SMIM8: variants seen among roughly 807,000 people sequenced by gnomAD.
SMIM8 encodes the protein small integral membrane protein 8, also known as UPF0708 protein C6orf162.
In SMIM8, 8 loss-of-function variants were observed where a neutral mutation model predicts 8.1. The observed-to-expected ratio is 0.99, with a 90% CI of 0.58 to 1.78. SMIM8 has a LOEUF of 1.78. Among genes scored for constraint, SMIM8 ranks in the 40% most tolerant of loss-of-function variants. The pLI is 0.00. For synonymous variants in SMIM8, 45 were observed against 39.7 expected, an observed-to-expected ratio of 1.13 and a Z score of -0.50; for missense variants, 126 against 119.8, an observed-to-expected ratio of 1.05 and a Z score of -0.24.
chr6:87,333,611 A>G (rs1437158869), intron 2 of SMIM8, among the ~76,000 whole-genome samples: 3 of 152,258 alleles, frequency 2.0e-5, no homozygotes, highest in Non-Finnish European at 4.4e-5. Flanking sequence ...TGCTGCCACA[A>G]CAAAGGAGAA....
Position 87,340,163 on chromosome 6 carries a change from G to A in SMIM8, c.183G>A (p.Val61=), listed in dbSNP as rs781579674. The A allele has an allele frequency of 1.4e-5, 22 of 1,604,370 alleles. No individual in the cohort carries two copies. Among genetic ancestry groups the A allele is most frequent in the African/African-American group, 5.4e-5 (4 of 74,200 alleles). Residue 61 remains valine, a synonymous_variant, in exon 4 of 4, where the codon GTG becomes GTA. Coordinates refer to ENST00000392863, the MANE Select transcript of SMIM8 (RefSeq NM_001042493.3). ...AFGLVTLSLC[V]AYIGYLHAIQ... ...GATTGGTAACTCTTTCACTTTGCGTGGCATATATTGGTTATCTACATGCAA... is the reference window on the plus strand; with the variant it reads ...GATTGGTAACTCTTTCACTTTGCGTAGCATATATTGGTTATCTACATGCAA...
At chr6:87,328,832 C>T (rs986620347) in intron 1 of SMIM8, among the ~76,000 whole-genome samples, 9 of 152,314 alleles carry the variant, frequency 5.9e-5, no homozygotes, top group Non-Finnish European at 1.0e-4. Context: ...TGGGCAATGG[C>T]GGGCGCCCCT....
At chr6:87,323,694 T>C (rs1025316389) in intron 1 of SMIM8, among the ~76,000 whole-genome samples, 1 of 152,204 alleles carries the variant, frequency 6.6e-6, no homozygotes, top group Non-Finnish European at 1.5e-5. Context: ...TTTGGGTTGG[T>C]TCCAGGTCTT....
At position 87,324,023 on chromosome 6, in the gene SMIM8, A is replaced by G. The variant is rs531554652; in HGVS notation, c.-45+1391A>G. Among the ~76,000 whole-genome samples the G allele has an allele frequency of 9.4e-3, 1,402 of 149,738 alleles. 23 individuals carry two copies. Among genetic ancestry groups the G allele is most frequent in the African/African-American group, 0.033 (1,302 of 39,758 alleles). On this transcript the variant is annotated intron_variant, in intron 1 of 3. Transcript: ENST00000392863. ...TTTGATTTGCATTTCTCTGATGGCC[A>G]GTGATGGTGAGCATTTTTTCATGTG... is the stretch of plus-strand genomic sequence containing the variant.
chr6:87,332,969 C>A (rs1415176543), intron 2 of SMIM8, among the ~76,000 whole-genome samples: 3 of 152,262 alleles, frequency 2.0e-5, no homozygotes, highest in African/African-American at 7.2e-5. Flanking sequence ...TTTGCATTTT[C>A]TTTTCCTATC....
chr6:87,323,624 A>G (rs1776730419), intron 1 of SMIM8, among the ~76,000 whole-genome samples: 1 of 152,022 alleles, frequency 6.6e-6, no homozygotes, highest in Non-Finnish European at 1.5e-5. Flanking sequence ...TTATGGCTGC[A>G]TAGTATTACA....
chr6:87,327,793 T>C lies in SMIM8; in HGVS notation c.-44-2899T>C, dbSNP rs377268871. 1.3e-4 allele frequency among the ~76,000 whole-genome samples: 19 copies of C among 148,060 alleles called. No individual in the cohort carries two copies. The East Asian group carries it at 1.8e-3, about 14-fold the overall frequency. Reference sequence around the variant, plus strand: ...GTTCTCTGTATTTCCTGAATCTGAATGTTGGCCTGCCTTGCTAGATTGGGG... The same window carrying C: ...GTTCTCTGTATTTCCTGAATCTGAACGTTGGCCTGCCTTGCTAGATTGGGG... On this transcript the variant is annotated intron_variant, in intron 1 of 3. Coordinates refer to ENST00000392863, the MANE Select transcript of SMIM8 (RefSeq NM_001042493.3).
rs749452388 is a variant in SMIM8, at chr6:87,340,294, T to C, written c.*20T>C. The C allele has an allele frequency of 7.8e-6, 12 of 1,547,812 alleles. No individual in the cohort carries two copies. Among genetic ancestry groups the C allele is most frequent in the Admixed American group, 2.1e-5 (1 of 46,568 alleles). ...GATTAGTAGTGCTGGTTAGTGCAGA[T>C]GGACCTTTATTAAAGGTTCTGAAAT... On this transcript the variant is annotated 3_prime_UTR_variant, in exon 4 of 4. Coordinates refer to ENST00000392863, the MANE Select transcript of SMIM8 (RefSeq NM_001042493.3).
At chr6:87,323,067 A>C (rs1582082130) in intron 1 of SMIM8, 1 of 141,596 alleles carries the variant, frequency 7.1e-6, no homozygotes, top group South Asian at 2.1e-4. Context: ...TGTAGAACTT[A>C]ACGGAATGAA....
At chr6:87,324,287 G>A (rs1776760988) in intron 1 of SMIM8, among the ~76,000 whole-genome samples, 1 of 152,178 alleles carries the variant, frequency 6.6e-6, no homozygotes, top group African/African-American at 2.4e-5. Flanking sequence ...GATCCTATTT[G>A]TCAATTTTGG....
chr6:87,332,105 A>T (rs181850381), intron 2 of SMIM8, among the ~76,000 whole-genome samples: 1 of 152,204 alleles, frequency 6.6e-6, no homozygotes, highest in Admixed American at 6.5e-5. Context: ...TCTGCTAAGG[A>T]AAAAAGGAGA....
At position 87,326,210 on chromosome 6, in the gene SMIM8, A is replaced by C. The variant is rs534673117; in HGVS notation, c.-45+3578A>C. On this transcript the variant is annotated intron_variant, in intron 1 of 3. Transcript: ENST00000392863. ...CTATCAATTTTGTTGATCCGTTCAA[A>C]AAACCAGCTCCTGGATTCATTAATT... Among the ~76,000 whole-genome samples, 714 of 152,304 alleles carry C rather than the reference A, an allele frequency of 4.7e-3. 5 individuals carry two copies. The highest frequency in any genetic ancestry group is 0.016 in the African/African-American group (667 of 41,562).
At chr6:87,335,627 C>G (rs1356455631) in intron 2 of SMIM8, among the ~76,000 whole-genome samples, 2 of 151,996 alleles carry the variant, frequency 1.3e-5, no homozygotes, top group African/African-American at 2.4e-5. Flanking sequence ...AGCCAAGTTC[C>G]TAGTTTTCTC....
chr6:87,336,033 A>G (rs1285450991), intron 2 of SMIM8, among the ~76,000 whole-genome samples: 1 of 152,150 alleles, frequency 6.6e-6, no homozygotes, highest in African/African-American at 2.4e-5. Context: ...GTCTCAAAAA[A>G]AAAATACTTG....
At chr6:87,328,933 C>T (rs1475725799) in intron 1 of SMIM8, among the ~76,000 whole-genome samples, 4 of 152,198 alleles carry the variant, frequency 2.6e-5, no homozygotes, top group African/African-American at 4.8e-5. Context: ...CTCCGAACCA[C>T]GTGCGGGATA....
intron 2 of SMIM8, among the ~76,000 whole-genome samples, chr6:87,334,057 A>G (rs1444274633): frequency 6.6e-6 from 1 of 152,172 alleles, no homozygotes; most frequent in Non-Finnish European, 1.5e-5. Flanking sequence ...GAGGGAGGGG[A>G]AGAAGTGTCA....
At chr6:87,325,955 G>T (rs2127916153) in intron 1 of SMIM8, among the ~76,000 whole-genome samples, 1 of 152,306 alleles carries the variant, frequency 6.6e-6, no homozygotes, top group East Asian at 1.9e-4. Flanking sequence ...CCTGTTATTG[G>T]TCTATTAAGA....
rs549329585 is a variant in SMIM8 at position 87,324,354 on chromosome 6, T to G, written c.-45+1722T>G. Among the ~76,000 whole-genome samples the G allele has an allele frequency of 3.3e-5, 5 of 152,316 alleles. No homozygotes were observed. In the East Asian group the frequency reaches 9.6e-4, roughly 29 times the overall value. ...CATGAAGTCCTTGCCCATGCCTATG[T>G]CCTGAATGGTAATGCTTAGGTTTTC... On this transcript the variant is annotated intron_variant, in intron 1 of 3. Coordinates refer to ENST00000392863, the MANE Select transcript of SMIM8 (RefSeq NM_001042493.3).
At chr6:87,336,531 G>A (rs932640558) in intron 2 of SMIM8, among the ~76,000 whole-genome samples, 1 of 152,176 alleles carries the variant, frequency 6.6e-6, no homozygotes, top group African/African-American at 2.4e-5. Context: ...CAGAGGAGCA[G>A]TGGGGGAAAC....
Sources: allele counts gnomAD v4.1 joint callset (sites outside exome capture counted in the v4.1 genomes callset), GRCh38; gene constraint gnomAD v4.1.1; transcripts MANE v1.5; gene names NCBI Gene and HGNC (gene_info 2026-07-23, HGNC 2026-07-21).